CHD5: variants seen among roughly 807,000 people sequenced by gnomAD.
CHD5 encodes ATP-dependent chromatin remodeler CHD5.
A neutral mutation model predicts 230.3 loss-of-function variants in CHD5; 69 were observed. That is an observed-to-expected ratio of 0.30 (90% CI 0.25 to 0.37). CHD5 has a LOEUF of 0.37. Ranked by LOEUF, CHD5 falls within the 10% of genes least tolerant of loss-of-function variation. The probability of loss-of-function intolerance (pLI) is 1.00; values close to 1 mark genes in which losing one functional copy is unlikely to be tolerated. For missense variants in CHD5, 1,827 were observed against 2,622.8 expected, an observed-to-expected ratio of 0.70 and a Z score of 6.63; for synonymous variants, 1,064 against 1,065.9, an observed-to-expected ratio of 1.00 and a Z score of 0.03.
At chr1:6,107,473 G>A (rs1666202582) in intron 38 of CHD5, among the ~76,000 whole-genome samples, 1 of 144,428 alleles carries the variant, frequency 6.9e-6, no homozygotes, top group African/African-American at 2.6e-5. Flanking sequence ...GGGATGGAGG[G>A]ATGATGAAGG....
chr1:6,140,303 G>A (rs1395744096), intron 15 of CHD5, among the ~76,000 whole-genome samples: 1 of 152,120 alleles, frequency 6.6e-6, no homozygotes, highest in Admixed American at 6.5e-5. Flanking sequence ...GGGAGGCTGA[G>A]GCAGGAGAAT....
intron 6 of CHD5, among the ~76,000 whole-genome samples, chr1:6,151,367 C>A (rs1419391418): frequency 6.6e-6 from 1 of 152,208 alleles, no homozygotes; most frequent in Admixed American, 6.5e-5. Context: ...CCCTGCTCTC[C>A]AGCCTCAGAC....
intron 33 of CHD5, among the ~76,000 whole-genome samples, chr1:6,120,014 C>T (rs185063546): frequency 6.6e-6 from 1 of 152,120 alleles, no homozygotes; most frequent in Non-Finnish European, 1.5e-5. Flanking sequence ...GTGCATGCCA[C>T]CACACCCAAC....
chr1:6,142,429 G>A lies in CHD5; in HGVS notation c.2220C>T (p.Tyr740=). 2 of 1,610,006 alleles carry A rather than the reference G, an allele frequency of 1.2e-6. No homozygotes were observed. Among genetic ancestry groups the A allele is most frequent in the Non-Finnish European group, 1.7e-6 (2 of 1,176,754 alleles). Residue 740 remains tyrosine, a synonymous_variant, in exon 14 of 42, where the codon TAC becomes TAT. Coordinates refer to ENST00000262450, the MANE Select transcript of CHD5 (RefSeq NM_015557.3). This position sits in a 1 kb window ranked among gnomAD's most constrained non-coding sequence, Gnocchi z 5.2. ...GKTVQTIVFL[Y]SLYKEGHSKG... is the part of the protein sequence containing the mutation. ...GCCTGCCCACCTCCTTGTAGAGGGA[G>A]TAAAGGAACACGATGGTCTGCACCG...
Position 6,154,721 on chromosome 1 carries a change from G to A in CHD5, c.684C>T (p.Val228=), listed in dbSNP as rs768857681. ...ETVTISPPLA[V]SPPQVPQPVP... ...CAGGCTGGGGCACCTGCGGGGGGCT[G>A]ACGGCTAGCGGAGGGGAGATGGTGA... The change falls in exon 5 of 42, where the codon GTC becomes GTT. Residue 228 remains valine (V), a synonymous_variant. Transcript: ENST00000262450. This position sits in a 1 kb window ranked among gnomAD's most constrained non-coding sequence, Gnocchi z 7.0. The A allele has an allele frequency of 8.1e-6, 13 of 1,607,730 alleles. No individual in the cohort carries two copies. Among genetic ancestry groups the A allele is most frequent in the Non-Finnish European group, 1.1e-5 (13 of 1,176,848 alleles).
chr1:6,156,527 TTC>T (rs1344709005), intron 3 of CHD5, among the ~76,000 whole-genome samples: 1 of 138,992 alleles, frequency 7.2e-6, no homozygotes, highest in Non-Finnish European at 1.5e-5. Context: ...CAGAGCAAGA[TTC>T]TGTCTCAAAA....
chr1:6,133,186 T>C (rs1666686121), intron 20 of CHD5, among the ~76,000 whole-genome samples: 1 of 152,204 alleles, frequency 6.6e-6, no homozygotes, highest in Non-Finnish European at 1.5e-5. Context: ...TCGCTTGCCC[T>C]GTGTGCACAT....
At position 6,134,847 on chromosome 1, in the gene CHD5, C is replaced by T; in HGVS notation, c.2883G>A (p.Lys961=). 1 of 1,614,160 alleles carries T rather than the reference C, an allele frequency of 6.2e-7. No homozygotes were observed. The highest frequency in any genetic ancestry group is 1.1e-5 in the South Asian group (1 of 91,076). Residue 961 remains lysine (K), a synonymous_variant, in exon 19 of 42, where the codon AAG becomes AAA. Coordinates refer to ENST00000262450, the MANE Select transcript of CHD5 (RefSeq NM_015557.3). The surrounding 1 kb of genome is among the most constrained non-coding windows in gnomAD (Gnocchi z 6.3). ...ELSQMQKKYY[K]FILTRNFEAL... is the part of the protein sequence containing the mutation. ...CCTCAAAGTTCCGTGTGAGGATGAA[C>T]TTGTAGTACTTCCTGCAGCAGGGCA... is the stretch of plus-strand genomic sequence containing the variant.
rs762105742 is a variant in CHD5 at position 6,159,403 on chromosome 1, T to C, written c.320A>G (p.Lys107Arg). ...CTTTTTTCGCTTGGCTTTTTTCTCC[T>C]TCTTGTCCTTGAGTTTCTTCTTCTT... The part of the protein sequence containing the change: ...KKKKKKLKDK[K>R]EKKAKRKKKD... Residue 107 changes from lysine (K) to arginine (R), a missense_variant, in exon 3 of 42, where the codon AAG becomes AGG. Around this residue, in one of 14 missense-constraint regions of CHD5, gnomAD observed 657 missense variants for 816.4 expected, o/e 0.80. Transcript: ENST00000262450. 1.2e-5 allele frequency: 18 copies of C among 1,555,384 alleles called. No individual in the cohort carries two copies. In the African/African-American group the frequency reaches 1.6e-4, roughly 14 times the overall value.
At position 6,144,050 on chromosome 1, in the gene CHD5, G is replaced by A; in HGVS notation, c.1908C>T (p.Asn636=). 6.2e-7 allele frequency: 1 copy of A among 1,614,182 alleles called. No individual in the cohort carries two copies. The highest frequency in any genetic ancestry group is 8.5e-7 in the Non-Finnish European group (1 of 1,180,050). Residue 636 remains asparagine (N), a synonymous_variant, in exon 12 of 42, where the codon AAC becomes AAT. Coordinates refer to ENST00000262450, the MANE Select transcript of CHD5 (RefSeq NM_015557.3). ...IDDIDIPYYD[N]LKQAYWGHRE... is the part of the protein sequence containing the mutation. The stretch of plus-strand genomic sequence containing the variant: ...TGTGGCCCCAGTAGGCCTGCTTGAG[G>A]TTGTCGTAGTAGGGGATGTCGATGT...
intron 7 of CHD5, among the ~76,000 whole-genome samples, chr1:6,150,505 AATGGATGG>A (rs1290983403): frequency 8.3e-6 from 1 of 120,272 alleles, no homozygotes; most frequent in South Asian, 2.9e-4. Flanking sequence ...AGGATGGATG[AATGGATGG>A]ATGGATGGAT....
At chr1:6,137,023 C>T (rs1332061265) in intron 15 of CHD5, among the ~76,000 whole-genome samples, 158 bp from the exon 16 acceptor site, 1 of 152,034 alleles carries the variant, frequency 6.6e-6, no homozygotes, top group African/African-American at 2.4e-5. Flanking sequence ...CAGATGCTGA[C>T]CACCAAGCAG....
At position 6,103,106 on chromosome 1, in the gene CHD5, T is replaced by C. The variant is rs1666100788; in HGVS notation, c.*2368A>G. On this transcript the variant is annotated 3_prime_UTR_variant, in exon 42 of 42. Coordinates refer to ENST00000262450, the MANE Select transcript of CHD5 (RefSeq NM_015557.3). ...CCACCATCACCACTTTTGGCAGAGATGACTGACAAACCAAGAAGGACATTC... is the reference window on the plus strand; with the variant it reads ...CCACCATCACCACTTTTGGCAGAGACGACTGACAAACCAAGAAGGACATTC... 1 of 152,488 alleles carries C rather than the reference T, an allele frequency of 6.6e-6. No individual in the cohort carries two copies. The highest frequency in any genetic ancestry group is 1.5e-5 in the Non-Finnish European group (1 of 68,072). 9.4% of individuals were successfully genotyped at this position (152,488 alleles called of 1,614,324 possible).
intron 3 of CHD5, among the ~76,000 whole-genome samples, chr1:6,156,053 C>G (rs1445173429): frequency 1.3e-5 from 2 of 152,204 alleles, no homozygotes; most frequent in African/African-American, 4.8e-5. Flanking sequence ...TGCCTGAGAC[C>G]AGGCCCCCAT....
chr1:6,136,629 C>T lies in CHD5; in HGVS notation c.2584G>A (p.Val862Ile). Residue 862 changes from valine (V) to isoleucine (I), a missense_variant, in exon 17 of 42, where the codon GTC becomes ATC. By Grantham distance (29) the Val-to-Ile change is conservative (BLOSUM62 3). Transcript: ENST00000262450. ...TAATCAATCTTGTAGCTGTTTAAGACCCTAAAAAACTGAGGGGAGGAGAGT... is the reference window on the plus strand; with the variant it reads ...TAATCAATCTTGTAGCTGTTTAAGATCCTAAAAAACTGAGGGGAGGAGAGT... ...LKNNQSKFFR[V>I]LNSYKIDYKL... The T allele has an allele frequency of 1.9e-6, 3 of 1,614,118 alleles. No homozygotes were observed. The highest frequency in any genetic ancestry group is 1.3e-5 in the African/African-American group (1 of 75,056).
At chr1:6,169,031 AAAAG>A (rs1276754204) in intron 1 of CHD5, among the ~76,000 whole-genome samples, 2 of 150,694 alleles carry the variant, frequency 1.3e-5, no homozygotes, top group African/African-American at 5.0e-5. Context: ...AAAAAAAAAA[AAAAG>A]AGAGAGAGAG....
At position 6,180,278 on chromosome 1, in the gene CHD5, G is replaced by A. The variant is rs1667495204; in HGVS notation, c.-255C>T. On this transcript the variant is annotated 5_prime_UTR_variant, in exon 1 of 42. Coordinates refer to ENST00000262450, the MANE Select transcript of CHD5 (RefSeq NM_015557.3). ...CGCGCCCCGCAGCCCGAGTCCCGCA[G>A]CCGGCCGAGGGTGGCGGCGGCAGCG... Among the ~76,000 whole-genome samples, 1 of 150,406 alleles carries A rather than the reference G, an allele frequency of 6.6e-6. No homozygotes were observed. The highest frequency in any genetic ancestry group is 1.5e-5 in the Non-Finnish European group (1 of 67,556).
At position 6,150,909 on chromosome 1, in the gene CHD5, C is replaced by A. The variant is rs894582151; in HGVS notation, c.994+123G>T. 6 of 1,227,984 alleles carry A rather than the reference C, an allele frequency of 4.9e-6. No individual in the cohort carries two copies. In the African/African-American group the frequency reaches 6.2e-5, roughly 13 times the overall value. 76.1% of individuals were successfully genotyped at this position (1,227,984 alleles called of 1,614,324 possible). A position where few individuals can be genotyped will look rare whatever the true frequency, so the allele number is the denominator to read the frequency against. ...GAGGATGCCCTCCCCCTGCTTCCCA[C>A]GGGGAGGTTCCATGCCCCGCACATC... On this transcript the variant is annotated intron_variant, in intron 7 of 41. Transcript: ENST00000262450.
At chr1:6,109,716 C>T (rs1376749679) in intron 38 of CHD5, 79 bp downstream of exon 38, 1 of 1,245,258 alleles carries the variant, frequency 8.0e-7, no homozygotes, top group Non-Finnish European at 1.1e-6. Flanking sequence ...CCCATCAGTG[C>T]CCTCATCTAC....
Sources: gnomAD v4.1 joint callset for allele counts (sites outside exome capture counted in the v4.1 genomes callset) on GRCh38, gnomAD v4.1.1 for gene constraint, gnomAD v4.1.1 regional missense constraint, Gnocchi (gnomAD v3.1) non-coding constraint, MANE v1.5 for transcripts, NCBI Gene and HGNC (gene_info 2026-07-23, HGNC 2026-07-21) for gene names.